Variants in PEMT observed in about 807,000 individuals in gnomAD.
The protein encoded by PEMT is phosphatidylethanolamine N-methyltransferase.
A neutral mutation model predicts 27.4 loss-of-function variants in PEMT; 23 were observed. That is an observed-to-expected ratio of 0.84 (90% CI 0.60 to 1.19). The LOEUF (loss-of-function observed/expected upper bound fraction) is 1.19. Ranked by LOEUF, PEMT falls within the 50% of genes most tolerant of loss-of-function variation. PEMT has a pLI of 0.00. For missense variants in PEMT, 307 were observed against 310.1 expected, an observed-to-expected ratio of 0.99 and a Z score of 0.07; for synonymous variants, 137 against 139.1, an observed-to-expected ratio of 0.98 and a Z score of 0.11.
At chr17:17,544,647 C>T (rs999264862) in intron 2 of PEMT, among the ~76,000 whole-genome samples, 2 of 152,162 alleles carry the variant, frequency 1.3e-5, no homozygotes, top group African/African-American at 4.8e-5. Flanking sequence ...TCAAGTGTGA[C>T]GGGCAGGGGC....
chr17:17,576,262 T>G (rs1228966767), intron 2 of PEMT, among the ~76,000 whole-genome samples: 2 of 152,280 alleles, frequency 1.3e-5, no homozygotes, highest in East Asian at 1.9e-4. Flanking sequence ...CCTCCCACAC[T>G]TTCCTCGAAG....
At chr17:17,553,662 G>A (rs1003672990) in intron 2 of PEMT, among the ~76,000 whole-genome samples, 13 of 152,200 alleles carry the variant, frequency 8.5e-5, no homozygotes, top group African/African-American at 2.9e-4. Context: ...CAGCTCCCAC[G>A]CGTGGCCTTC....
At position 17,582,802 on chromosome 17, in the gene PEMT, C is replaced by A. The variant is rs1015176460; in HGVS notation, c.97-5775G>T. 5.3e-5 allele frequency among the ~76,000 whole-genome samples: 8 copies of A among 152,174 alleles called. No individual in the cohort carries two copies. The highest frequency in any genetic ancestry group is 7.2e-5 in the African/African-American group (3 of 41,436). ...CTCTGGGCCGGGCGCGATGGCTCAC[C>A]CCCGTAATCCCAGCACTTTGGGAGG... On this transcript the variant is annotated intron_variant, in intron 1 of 6. Coordinates refer to ENST00000255389, the MANE Select transcript of PEMT (RefSeq NM_148172.3). The surrounding 1 kb of genome is among the most constrained non-coding windows in gnomAD (Gnocchi z 4.9).
rs746893207 is a variant in PEMT, at chr17:17,505,853, C to T, written c.654-5G>A. The T allele has an allele frequency of 1.4e-5, 23 of 1,607,922 alleles. 1 individual carries two copies. The highest frequency in any genetic ancestry group is 3.3e-4 in the Middle Eastern group (2 of 6,056). On this transcript the variant is annotated splice_polypyrimidine_tract_variant and splice_region_variant and intron_variant, in intron 6 of 6. Coordinates refer to ENST00000255389, the MANE Select transcript of PEMT (RefSeq NM_148172.3). ...TAGATCTCAGCGGTGAAGGGCCTGC[C>T]GGGCAGCGGGGAGAGGCTTCGGTCA...
chr17:17,553,431 C>T (rs1019958637), intron 2 of PEMT, among the ~76,000 whole-genome samples: 1 of 152,224 alleles, frequency 6.6e-6, no homozygotes, highest in Non-Finnish European at 1.5e-5. Context: ...ATGGAAAGAG[C>T]GTAGGCAACC....
At chr17:17,553,602 C>T (rs755834967) in intron 2 of PEMT, among the ~76,000 whole-genome samples, 3 of 152,202 alleles carry the variant, frequency 2.0e-5, no homozygotes, top group Admixed American at 1.3e-4. Context: ...GATGGGCCCG[C>T]GTCCACCCAA....
chr17:17,586,214 GAAAAAGAAAGAA>G (rs1912249127), intron 1 of PEMT, among the ~76,000 whole-genome samples: 1 of 80,070 alleles, frequency 1.2e-5, no homozygotes, highest in Non-Finnish European at 2.7e-5. Flanking sequence ...AAGAAAGAAA[GAAAAAGAAAGAA>G]AGAAAGAAAG....
In PEMT at chr17:17,539,943, T is replaced by C. The variant is rs1477716430; in HGVS notation, c.205-17548A>G. 3.3e-5 allele frequency among the ~76,000 whole-genome samples: 5 copies of C among 151,986 alleles called. No individual in the cohort carries two copies. In the East Asian group the frequency reaches 9.7e-4, roughly 30 times the overall value. On this transcript the variant is annotated intron_variant, in intron 2 of 6. Transcript: ENST00000255389. ...ACTGACCACGCAGGTGGCAGGGAGC[T>C]CACAGCCTCCACGCAGGAGGCTCGG...
chr17:17,570,541 T>C, intron 2 of PEMT: 1 of 985,108 alleles, frequency 1.0e-6, no homozygotes, highest in South Asian at 4.7e-5. Context: ...TGAGGAGGCA[T>C]GAGGGAGGGG....
chr17:17,591,386 T>TCCCCCCCCC, intron 1 of PEMT, 145 bp downstream of exon 1: 3 of 685,280 alleles, frequency 4.4e-6, no homozygotes, highest in Non-Finnish European at 7.2e-6. Context: ...CGCACGCGGC[T>TCCCCCCCCC]CCCCCACCCC....
At chr17:17,521,714 G>GC (rs1251607506) in intron 3 of PEMT, among the ~76,000 whole-genome samples, 1 of 152,134 alleles carries the variant, frequency 6.6e-6, no homozygotes, top group African/African-American at 2.4e-5. Flanking sequence ...ACAGGCGCAT[G>GC]CACCACCATG....
At chr17:17,564,187 G>A (rs744925) in intron 2 of PEMT, among the ~76,000 whole-genome samples, 66,433 of 152,012 alleles carry the variant, frequency 0.44, 15,286 homozygotes, top group Non-Finnish European at 0.52. Flanking sequence ...TCCTTGGGCC[G>A]TGGTGGCGGC....
At chr17:17,549,347 A>G (rs1909486766) in intron 2 of PEMT, among the ~76,000 whole-genome samples, 1 of 151,940 alleles carries the variant, frequency 6.6e-6, no homozygotes, top group African/African-American at 2.4e-5. Flanking sequence ...ATGCCACCAC[A>G]CCTGGCTAAT....
intron 2 of PEMT, among the ~76,000 whole-genome samples, chr17:17,551,536 G>A (rs928838386): frequency 2.0e-5 from 3 of 152,132 alleles, no homozygotes; most frequent in South Asian, 2.1e-4. Flanking sequence ...GGGAGTGGTC[G>A]GGCCTGTCTG....
intron 2 of PEMT, among the ~76,000 whole-genome samples, chr17:17,540,248 C>A (rs546991556): frequency 9.8e-5 from 15 of 152,308 alleles, no homozygotes; most frequent in African/African-American, 3.4e-4. Flanking sequence ...CCCTCCCTCC[C>A]CCGACAGAAG....
rs1458681692 is a variant in PEMT, at chr17:17,586,272, GAAAGAAAGAAAGAAAGA to G, written c.96+5242_96+5258del. On this transcript the variant is annotated intron_variant, in intron 1 of 6. Transcript: ENST00000255389. ...AGAAAGAAAGAAAGAAAGAAAGAAA[GAAAGAAAGAAAGAAAGA>G]AAAAAAAAAACGCAGGTGGAAAATC... Among the ~76,000 whole-genome samples, 68 of 108,000 alleles carry G rather than the reference GAAAGAAAGAAAGAAAGA, an allele frequency of 6.3e-4. 1 individual carries two copies. Among genetic ancestry groups the G allele is most frequent in the East Asian group, 2.6e-3 (9 of 3,426 alleles). The allele number at this position is 108,000 out of a possible 152,430, so 70.9% of individuals were successfully genotyped here. A position where few individuals can be genotyped will look rare whatever the true frequency, so the allele number is the denominator to read the frequency against.
At chr17:17,507,285 G>T in intron 5 of PEMT, 1 of 1,090,546 alleles carries the variant, frequency 9.2e-7, no homozygotes, top group Non-Finnish European at 1.4e-6. Context: ...AGGGCGCATG[G>T]GCAGGCCTGG....
chr17:17,578,383 C>T (rs1194257089), intron 1 of PEMT, among the ~76,000 whole-genome samples: 11 of 151,846 alleles, frequency 7.2e-5, no homozygotes, highest in Non-Finnish European at 2.9e-5. Flanking sequence ...GGCGTAGTTC[C>T]AGTTACTTGG....
At chr17:17,549,120 A>C (rs1909466013) in intron 2 of PEMT, among the ~76,000 whole-genome samples, 1 of 151,414 alleles carries the variant, frequency 6.6e-6, no homozygotes, top group Admixed American at 6.6e-5. Context: ...TGATCCTCCC[A>C]CCTCAGACTC....
Sources: allele counts gnomAD v4.1 joint callset (sites outside exome capture counted in the v4.1 genomes callset), GRCh38; gene constraint gnomAD v4.1.1; non-coding constraint Gnocchi (gnomAD v3.1); transcripts MANE v1.5; gene names NCBI Gene and HGNC (gene_info 2026-07-23, HGNC 2026-07-21).